The following TMEM132D variants were observed in gnomAD, a reference collection of about 807,000 sequenced individuals.
The protein encoded by TMEM132D is mature OL transmembrane protein.
A neutral mutation model predicts 62.3 loss-of-function variants in TMEM132D; 21 were observed. That is an observed-to-expected ratio of 0.34 (90% CI 0.24 to 0.49). TMEM132D has a LOEUF of 0.49. TMEM132D is among the 20% of genes least tolerant of loss of function. The pLI is 0.99. For missense variants in TMEM132D, 1,346 were observed against 1,402.8 expected (o/e 0.96, Z 0.65); for synonymous variants, 621 against 575.6 (o/e 1.08, Z -1.13).
intron 3 of TMEM132D, among the ~76,000 whole-genome samples, chr12:129,458,481 G>T (rs182792332): frequency 1.6e-4 from 24 of 150,122 alleles, no homozygotes; most frequent in African/African-American, 5.6e-4. Flanking sequence ...GTTAAGATTT[G>T]CTGCTTTTTC....
At chr12:129,109,701 G>A (rs7959776) in intron 5 of TMEM132D, 161,058 of 163,380 alleles carry the variant, frequency 0.99, 79,433 homozygotes, top group Middle Eastern at 1. Flanking sequence ...GCCACCACGT[G>A]AGAAGTGCCT....
intron 2 of TMEM132D, among the ~76,000 whole-genome samples, chr12:129,564,471 G>C (rs145506310): frequency 3.0e-4 from 45 of 152,300 alleles, no homozygotes; most frequent in Non-Finnish European, 5.6e-4. Flanking sequence ...CTTTGCGGAG[G>C]AAGAAGCCCA....
Position 129,185,773 on chromosome 12 carries a change from G to GTCTGTCTGTCTA in TMEM132D, c.1443+23746_1443+23747insTAGACAGACAGA, listed in dbSNP as rs796145548. On this transcript the variant is annotated intron_variant, in intron 5 of 8. Transcript: ENST00000422113. The stretch of plus-strand genomic sequence containing the variant: ...TCTTTTATCCATCATCTGTCTGTCT[G>GTCTGTCTGTCTA]TCTATCTATCTATCTATCTATCTAT... 7.1e-4 allele frequency among the ~76,000 whole-genome samples: 96 copies of GTCTGTCTGTCTA among 136,016 alleles called. 1 individual carries two copies. Among genetic ancestry groups the GTCTGTCTGTCTA allele is most frequent in the African/African-American group, 1.5e-3 (57 of 37,332 alleles). The allele number at this position is 136,016 out of a possible 152,430, so 89.2% of individuals were successfully genotyped here.
Position 129,700,543 on chromosome 12 carries a change from C to G in TMEM132D, c.235G>C (p.Val79Leu), listed in dbSNP as rs1369441864. ...GATTTGTAAATCAGAAATGACTCCA[C>G]CCGGGACTGCAGGCTGGAGTTCCTC... is the stretch of plus-strand genomic sequence containing the variant. The part of the protein sequence containing the change: ...IMRNSSLQSR[V>L]ESFLIYKSRR... Residue 79 changes from valine (V) to leucine (L), a missense_variant, in exon 2 of 9, where the codon GTG becomes CTG. Val to Leu is a conservative substitution (Grantham distance 32). Coordinates refer to ENST00000422113, the MANE Select transcript of TMEM132D (RefSeq NM_133448.3). The G allele has an allele frequency of 1.9e-6, 3 of 1,614,056 alleles. No individual in the cohort carries two copies. The highest frequency in any genetic ancestry group is 2.5e-6 in the Non-Finnish European group (3 of 1,180,020).
rs988395149 is a variant in TMEM132D at position 129,427,908 on chromosome 12, C to G, written c.1116-90091G>C. On this transcript the variant is annotated intron_variant, in intron 3 of 8. Coordinates refer to ENST00000422113, the MANE Select transcript of TMEM132D (RefSeq NM_133448.3). The stretch of plus-strand genomic sequence containing the variant: ...GGTATTAAGTCCCGCTGAGTTGATC[C>G]GAAACACCTTATCTTATCTTATCTC... 1.4e-5 allele frequency among the ~76,000 whole-genome samples: 2 copies of G among 145,592 alleles called. 1 individual carries two copies. Among genetic ancestry groups the G allele is most frequent in the Non-Finnish European group, 3.0e-5 (2 of 66,984 alleles).
chr12:129,104,898 T>G (rs1875437642), intron 5 of TMEM132D, among the ~76,000 whole-genome samples: 1 of 146,282 alleles, frequency 6.8e-6, no homozygotes, highest in Non-Finnish European at 1.5e-5. Flanking sequence ...AAACAACAGG[T>G]GCTGAAGAGG....
intron 5 of TMEM132D, among the ~76,000 whole-genome samples, chr12:129,141,513 T>A (rs551017511): frequency 6.6e-6 from 1 of 152,300 alleles, no homozygotes; most frequent in East Asian, 1.9e-4. Flanking sequence ...TATTTAGATT[T>A]GGTGGTCCAG....
At chr12:129,630,655 TTATGA>T (rs559918760) in intron 2 of TMEM132D, among the ~76,000 whole-genome samples, 62 of 152,332 alleles carry the variant, frequency 4.1e-4, no homozygotes, top group African/African-American at 1.4e-3. Flanking sequence ...TATTCAATAC[TTATGA>T]TATGCTAAGC....
At chr12:129,722,254 T>G (rs1868860882) in intron 1 of TMEM132D, among the ~76,000 whole-genome samples, 1 of 152,198 alleles carries the variant, frequency 6.6e-6, no homozygotes, top group African/African-American at 2.4e-5. Flanking sequence ...CACAATCTGT[T>G]GTCAGAACCT....
intron 1 of TMEM132D, among the ~76,000 whole-genome samples, chr12:129,708,472 C>T (rs1032984029): frequency 2.6e-5 from 4 of 152,044 alleles, no homozygotes; most frequent in African/African-American, 4.8e-5. Context: ...GTCATGGGGG[C>T]GTCCTGTGCC....
chr12:129,337,863 G>A (rs956249730), intron 3 of TMEM132D, 46 bp from the exon 4 acceptor site: 6 of 1,538,408 alleles, frequency 3.9e-6, no homozygotes, highest in Non-Finnish European at 5.2e-6. Context: ...GACTGATGAG[G>A]TATGGCACGC....
intron 5 of TMEM132D, among the ~76,000 whole-genome samples, chr12:129,176,650 T>C (rs1877914404): frequency 6.6e-6 from 1 of 152,264 alleles, no homozygotes; most frequent in Admixed American, 6.5e-5. Context: ...TTACAGTGAA[T>C]TAAAATCCAC....
chr12:129,887,282 T>A (rs1475163206), intron 1 of TMEM132D, among the ~76,000 whole-genome samples: 1 of 152,136 alleles, frequency 6.6e-6, no homozygotes, highest in Non-Finnish European at 1.5e-5. Context: ...TACTCACACG[T>A]GGCAATCCCA....
rs141382790 is a variant in TMEM132D at position 129,603,398 on chromosome 12, A to G, written c.969-72193T>C. ...TGTTCTACAGTTGAAATCTTACAGC[A>G]TGTAGTCTTTTCTAATGGCCTTCTT... is the stretch of plus-strand genomic sequence containing the variant. On this transcript the variant is annotated intron_variant, in intron 2 of 8. Transcript: ENST00000422113. Among the ~76,000 whole-genome samples, 190 of 152,300 alleles carry G rather than the reference A, an allele frequency of 1.2e-3. 1 individual carries two copies. The highest frequency in any genetic ancestry group is 4.4e-3 in the African/African-American group (181 of 41,576).
chr12:129,243,612 G>A (rs1879992077), intron 4 of TMEM132D, among the ~76,000 whole-genome samples: 1 of 152,040 alleles, frequency 6.6e-6, no homozygotes, highest in Non-Finnish European at 1.5e-5. Flanking sequence ...TTGGCCTTTG[G>A]CTTATTTCCT....
intron 4 of TMEM132D, among the ~76,000 whole-genome samples, chr12:129,322,140 T>C (rs756949287): frequency 3.3e-5 from 5 of 150,268 alleles, no homozygotes; most frequent in African/African-American, 9.9e-5. Context: ...AGAGCATTGA[T>C]ACAATGACCT....
intron 5 of TMEM132D, among the ~76,000 whole-genome samples, chr12:129,135,263 T>A (rs1876525024): frequency 6.6e-6 from 1 of 152,186 alleles, no homozygotes; most frequent in Non-Finnish European, 1.5e-5. Context: ...ATATTCCCTT[T>A]TTTCTGTTTC....
intron 4 of TMEM132D, among the ~76,000 whole-genome samples, chr12:129,290,331 C>T (rs890770846): frequency 6.6e-6 from 1 of 151,998 alleles, no homozygotes; most frequent in African/African-American, 2.4e-5. Flanking sequence ...CTCAACTTTA[C>T]GTGAGTGAGA....
intron 1 of TMEM132D, among the ~76,000 whole-genome samples, chr12:129,734,608 C>T (rs1308488571): frequency 2.0e-5 from 3 of 152,124 alleles, no homozygotes; most frequent in African/African-American, 7.2e-5. Flanking sequence ...GTTTGCCCAA[C>T]TGAGGTCTTA....
Sources: gnomAD v4.1 joint callset for allele counts (sites outside exome capture counted in the v4.1 genomes callset) on GRCh38, gnomAD v4.1.1 for gene constraint, MANE v1.5 for transcripts, NCBI Gene and HGNC (gene_info 2026-07-23, HGNC 2026-07-21) for gene names.